Variants in CARS2 observed in about 807,000 individuals in gnomAD.
CARS2 encodes the protein cysteinyl-tRNA synthetase 2, mitochondrial.
A neutral mutation model predicts 68.8 loss-of-function variants in CARS2; 52 were observed. That is an observed-to-expected ratio of 0.76 (90% confidence interval 0.61 to 0.95). The LOEUF (loss-of-function observed/expected upper bound fraction) is 0.95, where lower values mean the gene tolerates loss of function less well. Ranked by LOEUF, CARS2 falls within the 40% of genes least tolerant of loss-of-function variation. The pLI is 0.00. For missense variants in CARS2, 780 were observed against 754.2 expected, an observed-to-expected ratio of 1.03 and a Z score of -0.40; for synonymous variants, 314 against 303.6, an observed-to-expected ratio of 1.03 and a Z score of -0.36.
intron 10 of CARS2, among the ~76,000 whole-genome samples, chr13:110,649,931 C>CTTTTTTTTTTTTTTTTTTTTT (rs59276783): frequency 2.7e-5 from 2 of 73,144 alleles, no homozygotes; most frequent in East Asian, 4.5e-4. Flanking sequence ...TGGATAACGA[C>CTTTTTTTTTTTTTTTTTTTTT]TTTTTTTTTT....
intron 7 of CARS2, among the ~76,000 whole-genome samples, chr13:110,669,276 T>G (rs1227438331): frequency 6.6e-6 from 1 of 152,108 alleles, no homozygotes; most frequent in Non-Finnish European, 1.5e-5. Flanking sequence ...GCGACCCTAC[T>G]CGGCGCTGAA....
chr13:110,703,235 G>GGT (rs1177226403), intron 2 of CARS2, among the ~76,000 whole-genome samples: 16 of 152,210 alleles, frequency 1.1e-4, no homozygotes, highest in Non-Finnish European at 1.9e-4. Context: ...TTCTGCAGCA[G>GGT]GCACTGTGTG....
chr13:110,710,661 G>A (rs932492560), upstream of CARS2, among the ~76,000 whole-genome samples: 4 of 152,142 alleles, frequency 2.6e-5, no homozygotes, highest in African/African-American at 9.7e-5. Flanking sequence ...AGGTAATTAT[G>A]TTTTATTGCT....
intron 9 of CARS2, among the ~76,000 whole-genome samples, chr13:110,654,409 G>A (rs1211918055): frequency 3.9e-5 from 6 of 152,134 alleles, no homozygotes; most frequent in African/African-American, 1.4e-4. Flanking sequence ...GAGGACTGGC[G>A]GGAAAGGGTC....
intron 13 of CARS2, chr13:110,642,776 A>C (rs1324724900): frequency 2.8e-6 from 2 of 725,596 alleles, no homozygotes; most frequent in Admixed American, 3.7e-5. Context: ...GAGTTGGAAG[A>C]AAGGGCTGGG....
chr13:110,693,285 T>C (rs2063527450), intron 3 of CARS2, among the ~76,000 whole-genome samples: 1 of 152,128 alleles, frequency 6.6e-6, no homozygotes, highest in Non-Finnish European at 1.5e-5. Flanking sequence ...CTGGAGGACA[T>C]GGCTCACAAA....
intron 1 of CARS2, chr13:110,712,883 G>GT (rs1299158984): frequency 1.4e-6 from 2 of 1,406,558 alleles, no homozygotes; most frequent in Admixed American, 2.0e-5. Flanking sequence ...TCCAAACTGA[G>GT]TACCGGGAGA....
chr13:110,663,719 C>T, intron 8 of CARS2: 4 of 1,345,328 alleles, frequency 3.0e-6, no homozygotes, highest in Non-Finnish European at 3.8e-6. Flanking sequence ...TTCCACGGTG[C>T]AGGGACACCC....
At chr13:110,650,209 T>G (rs1445129654) in intron 10 of CARS2, 2 of 152,246 alleles carry the variant, frequency 1.3e-5, no homozygotes, top group East Asian at 1.9e-4. Context: ...GCAATTCTCC[T>G]GCTTCACCCT....
At position 110,664,159 on chromosome 13, in the gene CARS2, G is replaced by A. The variant is rs756319888; in HGVS notation, c.920-641C>T. 10 of 985,086 alleles carry A rather than the reference G, an allele frequency of 1.0e-5. No homozygotes were observed. In the Admixed American group the frequency reaches 1.8e-4, roughly 18 times the overall value. The allele number at this position is 985,086 out of a possible 1,614,324, so 61.0% of individuals were successfully genotyped here. On this transcript the variant is annotated intron_variant, in intron 8 of 14. Coordinates refer to ENST00000257347, the MANE Select transcript of CARS2 (RefSeq NM_024537.4). ...TTACAAGGCTTATCTCCAAGAGAAG[G>A]GCTTTCTGTTTCTAACAGAAGACTC...
rs1057521365 is a variant in CARS2, at chr13:110,663,536, G to T, written c.920-18C>A. 12 of 1,612,900 alleles carry T rather than the reference G, an allele frequency of 7.4e-6. No homozygotes were observed. The highest frequency in any genetic ancestry group is 1.3e-5 in the African/African-American group (1 of 74,818). ...CAAATGCCCTGAAACAAAAACAAAA[G>T]CATTCAGTCTGAGCTGGGTGAGGAG... On this transcript the variant is annotated intron_variant, in intron 8 of 14. Coordinates refer to ENST00000257347, the MANE Select transcript of CARS2 (RefSeq NM_024537.4).
At chr13:110,660,391 T>C (rs933162213) in intron 9 of CARS2, among the ~76,000 whole-genome samples, 26 of 152,358 alleles carry the variant, frequency 1.7e-4, no homozygotes, top group African/African-American at 6.3e-4. Flanking sequence ...GAATGGTGAA[T>C]CCTTTCCAGA....
In CARS2 at chr13:110,668,800, C is replaced by G. The variant is rs537943708; in HGVS notation, c.786-1327G>C. Among the ~76,000 whole-genome samples the G allele has an allele frequency of 2.0e-5, 3 of 152,264 alleles. No homozygotes were observed. In the South Asian group the frequency reaches 6.2e-4, roughly 32 times the overall value. ...TTTCGCTCCTGATCTCTACGTTACA[C>G]CTATTTTAAAATCAGAGAAGGCTCA... On this transcript the variant is annotated intron_variant, in intron 7 of 14. Transcript: ENST00000257347. The surrounding 1 kb of genome is among the most constrained non-coding windows in gnomAD (Gnocchi z 4.1).
rs755297920 is a variant in CARS2 at position 110,705,275 on chromosome 13, A to G, written c.275+246T>C. Among the ~76,000 whole-genome samples the G allele has an allele frequency of 8.5e-5, 13 of 152,166 alleles. No homozygotes were observed. Among genetic ancestry groups the G allele is most frequent in the African/African-American group, 3.1e-4 (13 of 41,426 alleles). The stretch of plus-strand genomic sequence containing the variant: ...TCACTAAACCCAGCAAAAAACATCT[A>G]GTTCCAAAACGGGTCATTTTTCAGT... On this transcript the variant is annotated intron_variant, in intron 2 of 14. Transcript: ENST00000257347. This position sits in a 1 kb window ranked among gnomAD's most constrained non-coding sequence, Gnocchi z 4.0.
chr13:110,641,545 C>T lies in CARS2; in HGVS notation c.1687G>A (p.Ala563Thr). 1.2e-6 allele frequency: 2 copies of T among 1,613,624 alleles called. No individual in the cohort carries two copies. Among genetic ancestry groups the T allele is most frequent in the African/African-American group, 2.7e-5 (2 of 75,042 alleles). Residue 563 changes from alanine (A) to threonine (T), a missense_variant, in exon 15 of 15, where the codon GCG becomes ACG. Transcript: ENST00000257347. ...LDQRTKDQKS[A>T]G ...ATGGCTGTGCTCCATCCTCAGCCCGCTGATTTTTGGTCTTTTGTCCTTTGA... is the reference window on the plus strand; with the variant it reads ...ATGGCTGTGCTCCATCCTCAGCCCGTTGATTTTTGGTCTTTTGTCCTTTGA...
At position 110,676,826 on chromosome 13, in the gene CARS2, G is replaced by T; in HGVS notation, c.785+148C>A. On this transcript the variant is annotated intron_variant, in intron 7 of 14. Coordinates refer to ENST00000257347, the MANE Select transcript of CARS2 (RefSeq NM_024537.4). The surrounding 1 kb of genome is among the most constrained non-coding windows in gnomAD (Gnocchi z 4.0). ...TTTCGTTCACCCCGTTCCATGGCCC[G>T]TCACACTCCGGCAAAAATCTCTTCC... 9.4e-7 allele frequency: 1 copy of T among 1,062,836 alleles called. No homozygotes were observed. The highest frequency in any genetic ancestry group is 1.3e-6 in the Non-Finnish European group (1 of 764,698). The allele number at this position is 1,062,836 out of a possible 1,614,324, so 65.8% of individuals were successfully genotyped here.
upstream of CARS2, chr13:110,707,741 G>A (rs2063992693): frequency 6.6e-6 from 1 of 152,130 alleles, no homozygotes; most frequent in Admixed American, 6.5e-5. Flanking sequence ...CAAAACAGGA[G>A]ACGTTCCTCT....
chr13:110,680,519 C>T (rs536279388), intron 6 of CARS2, among the ~76,000 whole-genome samples: 1 of 152,236 alleles, frequency 6.6e-6, no homozygotes, highest in African/African-American at 2.4e-5. Flanking sequence ...GCTGCTGACA[C>T]ACAGAGGCAG....
Position 110,664,427 on chromosome 13 carries a change from G to A in CARS2, c.920-909C>T, listed in dbSNP as rs866828711. Reference sequence around the variant, plus strand: ...AACAACTCAGGAGACTGAGGTGGGAGGATCGCTTGAGCCCAGGAGGTTGGG... The same window carrying A: ...AACAACTCAGGAGACTGAGGTGGGAAGATCGCTTGAGCCCAGGAGGTTGGG... On this transcript the variant is annotated intron_variant, in intron 8 of 14. Coordinates refer to ENST00000257347, the MANE Select transcript of CARS2 (RefSeq NM_024537.4). The A allele has an allele frequency of 1.5e-4, 42 of 273,656 alleles. No homozygotes were observed. The Middle Eastern group carries it at 0.011, about 70-fold the overall frequency. The allele number at this position is 273,656 out of a possible 1,614,324, so 17.0% of individuals were successfully genotyped here.
Sources: gnomAD v4.1 joint callset for allele counts (sites outside exome capture counted in the v4.1 genomes callset) on GRCh38, gnomAD v4.1.1 for gene constraint, Gnocchi (gnomAD v3.1) non-coding constraint, MANE v1.5 for transcripts, NCBI Gene and HGNC (gene_info 2026-07-23, HGNC 2026-07-21) for gene names.